MAPK8IP3: variants seen among roughly 807,000 people sequenced by gnomAD.
MAPK8IP3 encodes mitogen-activated protein kinase 8 interacting protein 3.
A neutral mutation model predicts 157.8 loss-of-function variants in MAPK8IP3; 49 were observed. The ratio of observed to expected loss-of-function variants is 0.31; its 90% CI spans 0.25 to 0.39. MAPK8IP3 has a LOEUF of 0.39. MAPK8IP3 is among the 10% of genes least tolerant of loss of function. The pLI is 1.00. For synonymous variants in MAPK8IP3, 897 were observed against 777.7 expected, an observed-to-expected ratio of 1.15 and a Z score of -2.55; for missense variants, 1,478 against 1,889.4, an observed-to-expected ratio of 0.78 and a Z score of 4.04.
chr16:1,755,820 C>A (rs1472457715), intron 8 of MAPK8IP3, among the ~76,000 whole-genome samples: 2 of 148,540 alleles, frequency 1.3e-5, no homozygotes, highest in South Asian at 2.2e-4. Context: ...CCGTTGCACT[C>A]CAGCCTGGTG....
rs538762758 is a variant in MAPK8IP3 at position 1,743,206 on chromosome 16, G to A, written c.603-126G>A. The A allele has an allele frequency of 1.8e-3, 2,431 of 1,348,874 alleles. 14 individuals carry two copies. The highest frequency in any genetic ancestry group is 1.5e-3 in the Non-Finnish European group (1,547 of 1,039,434). The allele number at this position is 1,348,874 out of a possible 1,614,324, so 83.6% of individuals were successfully genotyped here. A position where few individuals can be genotyped will look rare whatever the true frequency, so the allele number is the denominator to read the frequency against. ...TAGGATCATAACTGAGTAGCTGCTC[G>A]AGCTGGGCTGCTGGCTGGCATGGAG... On this transcript the variant is annotated intron_variant, in intron 4 of 31. Transcript: ENST00000610761. This position sits in a 1 kb window ranked among gnomAD's most constrained non-coding sequence, Gnocchi z 5.6.
Position 1,763,735 on chromosome 16 carries a change from CGGCCGT to C in MAPK8IP3, c.1978_1983del (p.Gly660_Arg661del). On this transcript the variant is annotated inframe_deletion, in exon 17 of 32. Transcript: ENST00000610761. ...TGCGTGAGCACGTGCGTAACGACGA[CGGCCGT>C]CTGCAGGCCTGCGGCTGGAGCCTGC... is the stretch of plus-strand genomic sequence containing the variant. 1 of 1,591,652 alleles carries C rather than the reference CGGCCGT, an allele frequency of 6.3e-7. No individual in the cohort carries two copies. The highest frequency in any genetic ancestry group is 8.6e-7 in the Non-Finnish European group (1 of 1,167,918).
At chr16:1,725,182 ATT>A (rs2038791735) in intron 2 of MAPK8IP3, among the ~76,000 whole-genome samples, 2 of 149,438 alleles carry the variant, frequency 1.3e-5, no homozygotes, top group Non-Finnish European at 3.0e-5. Context: ...TATTATTATT[ATT>A]ATAAGAACAG....
rs1333384526 is a variant in MAPK8IP3 at position 1,738,843 on chromosome 16, G to C, written c.603-4489G>C. 3.7e-5 allele frequency among the ~76,000 whole-genome samples: 5 copies of C among 136,436 alleles called. No homozygotes were observed. In the South Asian group the frequency reaches 1.2e-3, roughly 34 times the overall value. The allele number at this position is 136,436 out of a possible 152,430, so 89.5% of individuals were successfully genotyped here. A position where few individuals can be genotyped will look rare whatever the true frequency, so the allele number is the denominator to read the frequency against. On this transcript the variant is annotated intron_variant, in intron 4 of 31. Coordinates refer to ENST00000610761, the MANE Select transcript of MAPK8IP3 (RefSeq NM_001318852.2). ...TGTGTGACCGTCCGTGTGAGCGTCC[G>C]TGTGAGCGTGTGAGCGTCCGTGTGA...
chr16:1,743,595 T>C lies in MAPK8IP3; in HGVS notation c.747+119T>C, dbSNP rs2040803434. ...ACGGCTCTCTGGGCCACTCGCCCTC[T>C]CCCTTCGTGTGTGGCAGGATGGAGA... is the stretch of plus-strand genomic sequence containing the variant. On this transcript the variant is annotated intron_variant, in intron 5 of 31. Transcript: ENST00000610761. This position sits in a 1 kb window ranked among gnomAD's most constrained non-coding sequence, Gnocchi z 5.6. 6.8e-7 allele frequency: 1 copy of C among 1,465,102 alleles called. No individual in the cohort carries two copies. The highest frequency in any genetic ancestry group is 2.8e-5 in the East Asian group (1 of 35,928). 90.8% of individuals were successfully genotyped at this position (1,465,102 alleles called of 1,614,324 possible).
chr16:1,761,360 G>C, intron 13 of MAPK8IP3, 55 bp downstream of exon 13: 1 of 1,510,158 alleles, frequency 6.6e-7, no homozygotes. Flanking sequence ...ACTTTTCACA[G>C]GCGGGGCGGC....
chr16:1,747,817 C>T (rs534313028), intron 6 of MAPK8IP3, among the ~76,000 whole-genome samples: 15 of 151,900 alleles, frequency 9.9e-5, no homozygotes, highest in African/African-American at 2.7e-4. Flanking sequence ...CATCGCCCCA[C>T]GGCACACAGT....
At chr16:1,744,621 G>A in intron 5 of MAPK8IP3, 1 of 985,578 alleles carries the variant, frequency 1.0e-6, no homozygotes, top group Non-Finnish European at 1.2e-6. Flanking sequence ...TCCCGGGCCT[G>A]GAGCTGGGAC....
chr16:1,732,616 G>A (rs1009595233), intron 4 of MAPK8IP3, among the ~76,000 whole-genome samples: 1 of 152,196 alleles, frequency 6.6e-6, no homozygotes, highest in African/African-American at 2.4e-5. Flanking sequence ...GAGAACGGGC[G>A]GCGCCGGCCA....
chr16:1,748,631 T>C lies in MAPK8IP3; in HGVS notation c.1127T>C (p.Phe376Ser). The C allele has an allele frequency of 6.2e-7, 1 of 1,614,108 alleles. No homozygotes were observed. Among genetic ancestry groups the C allele is most frequent in the Non-Finnish European group, 8.5e-7 (1 of 1,180,030 alleles). ...SPTQGIVNKA[F>S]GINTDSLYHE... Reference sequence around the variant, plus strand: ...ACCCAGGGCATCGTGAACAAAGCTTTCGGCATCAACACCGACTCCCTGTAC... The same window carrying C: ...ACCCAGGGCATCGTGAACAAAGCTTCCGGCATCAACACCGACTCCCTGTAC... Residue 376 changes from phenylalanine (F) to serine (S), a missense_variant, in exon 8 of 32, where the codon TTC becomes TCC. Phe to Ser is a radical substitution (Grantham distance 155, BLOSUM62 -2). This residue lies in a region of MAPK8IP3 where 315 missense variants were observed against 394.4 expected (regional missense o/e 0.80). Coordinates refer to ENST00000610761, the MANE Select transcript of MAPK8IP3 (RefSeq NM_001318852.2).
chr16:1,712,339 G>A (rs1047534420), intron 1 of MAPK8IP3, among the ~76,000 whole-genome samples: 1 of 151,906 alleles, frequency 6.6e-6, no homozygotes, highest in Non-Finnish European at 1.5e-5. Flanking sequence ...GGGATTACAG[G>A]CATGAGCCAT....
At chr16:1,738,498 C>T (rs1393668612) in intron 4 of MAPK8IP3, among the ~76,000 whole-genome samples, 2 of 110,918 alleles carry the variant, frequency 1.8e-5, no homozygotes, top group Non-Finnish European at 3.5e-5. Context: ...GTGTGACCGT[C>T]CGTGTGTGTG....
chr16:1,721,809 G>T (rs534467576), intron 1 of MAPK8IP3, among the ~76,000 whole-genome samples: 3 of 151,712 alleles, frequency 2.0e-5, no homozygotes, highest in Non-Finnish European at 2.9e-5. Context: ...TTGCTCTGTC[G>T]CCCAGGCTGG....
rs940679679 is a variant in MAPK8IP3 at position 1,751,517 on chromosome 16, G to T, written c.1216+2797G>T. The stretch of plus-strand genomic sequence containing the variant: ...TGACGGTGAGAGCTCGGACTTGAAC[G>T]CAGGTCCCACCCAGAACAGCAGCCC... On this transcript the variant is annotated intron_variant, in intron 8 of 31. Transcript: ENST00000610761. The surrounding 1 kb of genome is among the most constrained non-coding windows in gnomAD (Gnocchi z 5.0). 1 of 152,046 alleles carries T rather than the reference G, an allele frequency of 6.6e-6. No individual in the cohort carries two copies. The highest frequency in any genetic ancestry group is 1.9e-4 in the East Asian group (1 of 5,184). 9.4% of individuals were successfully genotyped at this position (152,046 alleles called of 1,614,324 possible).
intron 8 of MAPK8IP3, among the ~76,000 whole-genome samples, chr16:1,757,358 C>A (rs1368446132): frequency 6.6e-6 from 1 of 152,186 alleles, no homozygotes; most frequent in African/African-American, 2.4e-5. Context: ...CCCGCCTCGG[C>A]CTCCTAAAGT....
intron 8 of MAPK8IP3, among the ~76,000 whole-genome samples, chr16:1,757,325 C>G (rs1039442802): frequency 6.6e-6 from 1 of 152,148 alleles, no homozygotes; most frequent in Non-Finnish European, 1.5e-5. Context: ...AGGATGGTCT[C>G]AATCTCCTGA....
intron 16 of MAPK8IP3, among the ~76,000 whole-genome samples, chr16:1,763,330 T>C (rs887161995): frequency 1.3e-5 from 2 of 152,248 alleles, no homozygotes; most frequent in African/African-American, 4.8e-5. Context: ...AGGGAGTCGC[T>C]GGTCATGCCT....
rs768161922 is a variant in MAPK8IP3 at position 1,743,381 on chromosome 16, A to G, written c.652A>G (p.Thr218Ala). 5.7e-6 allele frequency: 9 copies of G among 1,575,856 alleles called. No homozygotes were observed. The highest frequency in any genetic ancestry group is 7.7e-6 in the Non-Finnish European group (9 of 1,164,766). ...SLNVFPLADG[T>A]VRAQIGGKLV... ...GAACGTGTTCCCCCTGGCTGACGGC[A>G]CGGTACGTGCACAGATCGGGGGCAA... The change falls in exon 5 of 32, where the codon ACG (threonine) becomes GCG (alanine). Residue 218 changes from threonine to alanine, a missense_variant. Coordinates refer to ENST00000610761, the MANE Select transcript of MAPK8IP3 (RefSeq NM_001318852.2). The surrounding 1 kb of genome is among the most constrained non-coding windows in gnomAD (Gnocchi z 5.6).
At chr16:1,744,795 A>G in intron 5 of MAPK8IP3, 2 of 985,458 alleles carry the variant, frequency 2.0e-6, no homozygotes, top group Non-Finnish European at 2.4e-6. Flanking sequence ...CGCTCTCTTC[A>G]TAAATTGTAG....
Sources: allele counts gnomAD v4.1 joint callset (sites outside exome capture counted in the v4.1 genomes callset), GRCh38; gene constraint gnomAD v4.1.1; regional missense constraint gnomAD v4.1.1; non-coding constraint Gnocchi (gnomAD v3.1); transcripts MANE v1.5; gene names NCBI Gene and HGNC (gene_info 2026-07-23, HGNC 2026-07-21).